Variants in TNFRSF6B observed in about 807,000 individuals in gnomAD.
TNFRSF6B encodes tumor necrosis factor receptor superfamily member 6B.
TNFRSF6B carries 23 observed loss-of-function variants against 17.9 expected under a neutral mutation model. The observed-to-expected ratio is 1.28, with a 90% confidence interval of 0.92 to 1.82. The LOEUF is 1.82. Ranked by LOEUF, TNFRSF6B falls within the 40% of genes most tolerant of loss-of-function variation. The probability of loss-of-function intolerance (pLI) is 0.00; values close to 1 mark genes in which losing one functional copy is unlikely to be tolerated. For missense variants in TNFRSF6B, 555 were observed against 437.2 expected (o/e 1.27, Z -2.40); for synonymous variants, 291 against 195.8 (o/e 1.49, Z -4.06).
chr20:63,698,593 C>A lies in TNFRSF6B; in HGVS notation c.*30C>A, dbSNP rs578199989. On this transcript the variant is annotated 3_prime_UTR_variant, in exon 3 of 3. Transcript: ENST00000369996. Reference sequence around the variant, plus strand: ...GGCCCCCTCTTATTTATTCTACATCCTTGGCACCCCACTTGCACTGAAAGA... The same window carrying A: ...GGCCCCCTCTTATTTATTCTACATCATTGGCACCCCACTTGCACTGAAAGA... 2.1e-6 allele frequency: 3 copies of A among 1,460,916 alleles called. No homozygotes were observed. In the African/African-American group the frequency reaches 4.5e-5, roughly 22 times the overall value. The allele number at this position is 1,460,916 out of a possible 1,614,324, so 90.5% of individuals were successfully genotyped here.
rs762255968 is a variant in TNFRSF6B, at chr20:63,698,336, A to G, written c.676A>G (p.Ile226Val). 1 of 1,611,292 alleles carries G rather than the reference A, an allele frequency of 6.2e-7. No homozygotes were observed. Among genetic ancestry groups the G allele is most frequent in the Non-Finnish European group, 8.5e-7 (1 of 1,179,410 alleles). ...CTTTGTGGCTTTCCAGGACATCTCC[A>G]TCAAGAGGCTGCAGCGGCTGCTGCA... is the stretch of plus-strand genomic sequence containing the variant. Reference protein sequence around the residue: ...IDFVAFQDISIKRLQRLLQAL... With the variant: ...IDFVAFQDISVKRLQRLLQAL... The change falls in exon 3 of 3, where the codon ATC becomes GTC. Residue 226 changes from isoleucine to valine, a missense_variant. Physicochemically the swap from Ile to Val is conservative, Grantham distance 29. Coordinates refer to ENST00000369996, the MANE Select transcript of TNFRSF6B (RefSeq NM_003823.4).
At position 63,696,866 on chromosome 20, in the gene TNFRSF6B, AC is replaced by A; in HGVS notation, c.102del (p.Thr35ProfsTer51). On this transcript the variant is annotated frameshift_variant, in exon 1 of 3. Coordinates refer to ENST00000369996, the MANE Select transcript of TNFRSF6B (RefSeq NM_003823.4). LOFTEE classifies it high-confidence loss of function. ...VPAVRGVAET[P>X]TYPWRDAETG... is the part of the protein sequence containing the mutation. Reference sequence around the variant, plus strand: ...CGGCTGTACGCGGAGTGGCAGAAACACCCACCTACCCCTGGCGGGACGCAGA... The same window carrying A: ...CGGCTGTACGCGGAGTGGCAGAAACACCACCTACCCCTGGCGGGACGCAGA... 6.2e-7 allele frequency: 1 copy of A among 1,611,568 alleles called. No homozygotes were observed. The highest frequency in any genetic ancestry group is 8.5e-7 in the Non-Finnish European group (1 of 1,179,494).
chr20:63,696,846 G>C lies in TNFRSF6B; in HGVS notation c.79G>C (p.Val27Leu), dbSNP rs760536052. Residue 27 changes from valine (V) to leucine (L), a missense_variant, in exon 1 of 3, where the codon GTA (valine) becomes CTA (leucine). Physicochemically the swap from Val to Leu is conservative, Grantham distance 32. Coordinates refer to ENST00000369996, the MANE Select transcript of TNFRSF6B (RefSeq NM_003823.4). ...ALPALLPVPA[V>L]RGVAETPTYP... is the part of the protein sequence containing the mutation. The stretch of plus-strand genomic sequence containing the variant: ...GCCTGCCCTGCTGCCGGTGCCGGCT[G>C]TACGCGGAGTGGCAGAAACACCCAC... The C allele has an allele frequency of 3.1e-6, 5 of 1,611,396 alleles. No individual in the cohort carries two copies. The South Asian group carries it at 5.5e-5, about 18-fold the overall frequency.
At position 63,697,367 on chromosome 20, in the gene TNFRSF6B, C is replaced by G; in HGVS notation, c.464C>G (p.Pro155Arg). 6.2e-7 allele frequency: 1 copy of G among 1,612,228 alleles called. No individual in the cohort carries two copies. The highest frequency in any genetic ancestry group is 8.5e-7 in the Non-Finnish European group (1 of 1,179,754). The part of the protein sequence containing the change: ...SQNTQCQPCP[P>R]GTFSASSSSS... ...AACACGCAGTGCCAGCCGTGCCCCCCAGGCACCTTCTCAGCCAGCAGCTCC... is the reference window on the plus strand; with the variant it reads ...AACACGCAGTGCCAGCCGTGCCCCCGAGGCACCTTCTCAGCCAGCAGCTCC... The change falls in exon 2 of 3, where the codon CCA becomes CGA. Residue 155 changes from proline to arginine, a missense_variant. Pro to Arg is a moderately radical substitution (Grantham distance 103, BLOSUM62 -2). Coordinates refer to ENST00000369996, the MANE Select transcript of TNFRSF6B (RefSeq NM_003823.4).
chr20:63,698,657 CTTA>C lies in TNFRSF6B; in HGVS notation c.*97_*99del. ...ATAGAAGAAATGAGGTTTCTTAAAG[CTTA>C]TTTTTATAAAGCTTTTTCATAAAAC... is the stretch of plus-strand genomic sequence containing the variant. On this transcript the variant is annotated 3_prime_UTR_variant, in exon 3 of 3. Transcript: ENST00000369996. 7.6e-7 allele frequency: 1 copy of C among 1,319,460 alleles called. No homozygotes were observed. The highest frequency in any genetic ancestry group is 9.8e-7 in the Non-Finnish European group (1 of 1,015,498). The allele number at this position is 1,319,460 out of a possible 1,614,324, so 81.7% of individuals were successfully genotyped here. A position where few individuals can be genotyped will look rare whatever the true frequency, so the allele number is the denominator to read the frequency against.
chr20:63,698,210 G>A (rs2091026718), intron 2 of TNFRSF6B, 70 bp from the exon 3 acceptor site: 1 of 1,568,068 alleles, frequency 6.4e-7, no homozygotes, highest in Non-Finnish European at 8.6e-7. Flanking sequence ...CAGAAAGCAG[G>A]GTACCTGGCA....
rs780071498 is a variant in TNFRSF6B at position 63,698,376 on chromosome 20, C to T, written c.716C>T (p.Pro239Leu). The T allele has an allele frequency of 4.5e-5, 72 of 1,607,748 alleles. No homozygotes were observed. Among genetic ancestry groups the T allele is most frequent in the East Asian group, 2.7e-4 (12 of 44,506 alleles). Residue 239 changes from proline to leucine, a missense_variant, in exon 3 of 3, where the codon CCG becomes CTG. Transcript: ENST00000369996. ...LQRLLQALEA[P>L]EGWGPTPRAG... is the part of the protein sequence containing the mutation. ...CGGCTGCTGCAGGCCCTCGAGGCCC[C>T]GGAGGGCTGGGGTCCGACACCAAGG...
Position 63,696,961 on chromosome 20 carries a change from A to T in TNFRSF6B, c.194A>T (p.Asp65Val). Residue 65 changes from aspartate to valine, a missense_variant, in exon 1 of 3, where the codon GAC (aspartate) becomes GTC (valine). Transcript: ENST00000369996. Reference sequence around the variant, plus strand: ...TTTGTGCAGCGGCCGTGCCGCCGAGACAGCCCCACGACGTGTGGCCCGTGT... The same window carrying T: ...TTTGTGCAGCGGCCGTGCCGCCGAGTCAGCCCCACGACGTGTGGCCCGTGT... The part of the protein sequence containing the change: ...GTFVQRPCRR[D>V]SPTTCGPCPP... 1 of 1,609,744 alleles carries T rather than the reference A, an allele frequency of 6.2e-7. No individual in the cohort carries two copies. The highest frequency in any genetic ancestry group is 8.5e-7 in the Non-Finnish European group (1 of 1,179,142).
At position 63,697,203 on chromosome 20, in the gene TNFRSF6B, G is replaced by A; in HGVS notation, c.424+12G>A. 2 of 1,553,846 alleles carry A rather than the reference G, an allele frequency of 1.3e-6. No individual in the cohort carries two copies. The highest frequency in any genetic ancestry group is 2.3e-5 in the South Asian group (2 of 85,348). On this transcript the variant is annotated intron_variant, in intron 1 of 2. Transcript: ENST00000369996. ...CGTGATTGCCCCGGGTGAGAGCTGG[G>A]CGAGGGGAGGGGCCCCCAGGAGTGG... is the stretch of plus-strand genomic sequence containing the variant.
At chr20:63,697,628 G>A (rs1045188016) in intron 2 of TNFRSF6B, 106 bp downstream of exon 2, 2 of 1,251,486 alleles carry the variant, frequency 1.6e-6, no homozygotes, top group East Asian at 2.6e-5. Flanking sequence ...AGCTGGCTCT[G>A]GGAAGGGGCC....
chr20:63,696,652 G>T lies in TNFRSF6B; in HGVS notation c.-116G>T. On this transcript the variant is annotated 5_prime_UTR_variant, in exon 1 of 3. Transcript: ENST00000369996. ...TAGGGCAGCAGCAGGATGGGCTTCT[G>T]GACTTGGGCGGCCCCTCCGCAGGCG... 1 of 1,203,008 alleles carries T rather than the reference G, an allele frequency of 8.3e-7. No homozygotes were observed. The highest frequency in any genetic ancestry group is 1.1e-6 in the Non-Finnish European group (1 of 887,758). 74.5% of individuals were successfully genotyped at this position (1,203,008 alleles called of 1,614,324 possible). A position where few individuals can be genotyped will look rare whatever the true frequency, so the allele number is the denominator to read the frequency against.
At chr20:63,698,247 T>C in intron 2 of TNFRSF6B, 33 bp from the exon 3 acceptor site, 1 of 1,604,420 alleles carries the variant, frequency 6.2e-7, no homozygotes. Flanking sequence ...GTGGGTGAAA[T>C]GATCGGACCG....
Position 63,696,656 on chromosome 20 carries a change from T to C in TNFRSF6B, c.-112T>C, listed in dbSNP as rs935121294. The C allele has an allele frequency of 2.4e-6, 3 of 1,245,178 alleles. No homozygotes were observed. Among genetic ancestry groups the C allele is most frequent in the Non-Finnish European group, 3.2e-6 (3 of 926,462 alleles). 77.1% of individuals were successfully genotyped at this position (1,245,178 alleles called of 1,614,324 possible). A position where few individuals can be genotyped will look rare whatever the true frequency, so the allele number is the denominator to read the frequency against. ...GCAGCAGCAGGATGGGCTTCTGGAC[T>C]TGGGCGGCCCCTCCGCAGGCGGACC... On this transcript the variant is annotated 5_prime_UTR_variant, in exon 1 of 3. Transcript: ENST00000369996.
Position 63,698,580 on chromosome 20 carries a change from T to A in TNFRSF6B, c.*17T>A. On this transcript the variant is annotated 3_prime_UTR_variant, in exon 3 of 3. Transcript: ENST00000369996. ...GTGCACTGATCCTGGCCCCCTCTTATTTATTCTACATCCTTGGCACCCCAC... is the reference window on the plus strand; with the variant it reads ...GTGCACTGATCCTGGCCCCCTCTTAATTATTCTACATCCTTGGCACCCCAC... 1 of 1,473,914 alleles carries A rather than the reference T, an allele frequency of 6.8e-7. No individual in the cohort carries two copies. The highest frequency in any genetic ancestry group is 9.0e-7 in the Non-Finnish European group (1 of 1,116,928). The allele number at this position is 1,473,914 out of a possible 1,614,324, so 91.3% of individuals were successfully genotyped here. A position where few individuals can be genotyped will look rare whatever the true frequency, so the allele number is the denominator to read the frequency against.
In TNFRSF6B at chr20:63,697,111, G is replaced by A. The variant is rs1333446199; in HGVS notation, c.344G>A (p.Cys115Tyr). ...GCCACCCACAACCGTGCCTGCCGCT[G>A]CCGCACCGGCTTCTTCGCGCACGCT... is the stretch of plus-strand genomic sequence containing the variant. ...CHATHNRACR[C>Y]RTGFFAHAGF... The change falls in exon 1 of 3, where the codon TGC becomes TAC. Residue 115 changes from cysteine (C) to tyrosine (Y), a missense_variant. Coordinates refer to ENST00000369996, the MANE Select transcript of TNFRSF6B (RefSeq NM_003823.4). The A allele has an allele frequency of 6.2e-7, 1 of 1,600,638 alleles. No individual in the cohort carries two copies. Among genetic ancestry groups the A allele is most frequent in the Non-Finnish European group, 8.5e-7 (1 of 1,176,302 alleles).
intron 1 of TNFRSF6B, 51 bp from the exon 2 acceptor site, chr20:63,697,277 C>T (rs1320728596): frequency 6.4e-7 from 1 of 1,574,290 alleles, no homozygotes. Flanking sequence ...GCCTTGCACC[C>T]TGAGCTAGGA....
At chr20:63,698,168 T>C (rs776886800) in intron 2 of TNFRSF6B, 112 bp from the exon 3 acceptor site, 4 of 1,370,304 alleles carry the variant, frequency 2.9e-6, no homozygotes, top group African/African-American at 1.5e-5. Context: ...GCACAGGGAT[T>C]TCTCTCTCCT....
Position 63,697,120 on chromosome 20 carries a change from GCTT to G in TNFRSF6B, c.358_360del (p.Phe120del), listed in dbSNP as rs757980113. On this transcript the variant is annotated inframe_deletion, in exon 1 of 3. Transcript: ENST00000369996. ...AACCGTGCCTGCCGCTGCCGCACCG[GCTT>G]CTTCGCGCACGCTGGTTTCTGCTTG... 3 of 1,595,458 alleles carry G rather than the reference GCTT, an allele frequency of 1.9e-6. No individual in the cohort carries two copies. Among genetic ancestry groups the G allele is most frequent in the Non-Finnish European group, 2.6e-6 (3 of 1,173,740 alleles).
In TNFRSF6B at chr20:63,698,375, C is replaced by T; in HGVS notation, c.715C>T (p.Pro239Ser). 1.2e-6 allele frequency: 2 copies of T among 1,608,316 alleles called. No individual in the cohort carries two copies. The highest frequency in any genetic ancestry group is 1.7e-6 in the Non-Finnish European group (2 of 1,178,298). Reference sequence around the variant, plus strand: ...GCGGCTGCTGCAGGCCCTCGAGGCCCCGGAGGGCTGGGGTCCGACACCAAG... The same window carrying T: ...GCGGCTGCTGCAGGCCCTCGAGGCCTCGGAGGGCTGGGGTCCGACACCAAG... The part of the protein sequence containing the change: ...LQRLLQALEA[P>S]EGWGPTPRAG... Residue 239 changes from proline to serine, a missense_variant, in exon 3 of 3, where the codon CCG (proline) becomes TCG (serine). Pro to Ser is a moderately conservative substitution (Grantham distance 74, BLOSUM62 -1). Transcript: ENST00000369996.
Sources: gnomAD v4.1 joint callset for allele counts on GRCh38, gnomAD v4.1.1 for gene constraint, MANE v1.5 for transcripts, NCBI Gene and HGNC (gene_info 2026-07-23, HGNC 2026-07-21) for gene names.